Variants in NOTCH2NLA observed in about 807,000 individuals in gnomAD.
NOTCH2NLA encodes the protein notch 2 N-terminal like A.
chr1:146,159,393 GAGAAAGAAAGAAAGAAAGAAAGAAAGAA>G lies in NOTCH2NLA; in HGVS notation c.299-2606_299-2579del, dbSNP rs201617510. Among the ~76,000 whole-genome samples, 8 of 111,040 alleles carry G rather than the reference GAGAAAGAAAGAAAGAAAGAAAGAAAGAA, an allele frequency of 7.2e-5. No homozygotes were observed. In the East Asian group the frequency reaches 1.9e-3, roughly 26 times the overall value. The allele number at this position is 111,040 out of a possible 152,430, so 72.8% of individuals were successfully genotyped here. A position where few individuals can be genotyped will look rare whatever the true frequency, so the allele number is the denominator to read the frequency against. ...AAAGAGAGAGGAAGAGAGAAAGAGA[GAGAAAGAAAGAAAGAAAGAAAGAAAGAA>G]AGAAAGAAAGAAAGAAAGAAAGAAA... On this transcript the variant is annotated intron_variant, in intron 3 of 4. Transcript: ENST00000362074.
At chr1:146,188,487 C>CTCTTTAATG (rs1662891928) in intron 2 of NOTCH2NLA, among the ~76,000 whole-genome samples, 1 of 25,058 alleles carries the variant, frequency 4.0e-5, no homozygotes, top group African/African-American at 1.4e-4. Context: ...TATAATAATA[C>CTCTTTAATG]ACACCCAAAG....
chr1:146,186,843 T>C (rs1221955439), intron 2 of NOTCH2NLA, among the ~76,000 whole-genome samples: 2 of 134,936 alleles, frequency 1.5e-5, no homozygotes, highest in Non-Finnish European at 1.7e-5. Flanking sequence ...CCACCCTGAA[T>C]GCTATGTGAA....
At chr1:146,182,654 G>A (rs1256244252) in intron 2 of NOTCH2NLA, among the ~76,000 whole-genome samples, 2 of 121,364 alleles carry the variant, frequency 1.6e-5, no homozygotes, top group East Asian at 2.0e-4. Flanking sequence ...AGACCATCCT[G>A]GCTAACACAG....
chr1:146,151,317 CAAAAAAAAAAA>C (rs1159670389), downstream of NOTCH2NLA, among the ~76,000 whole-genome samples: 6 of 15,902 alleles, frequency 3.8e-4, no homozygotes, highest in African/African-American at 4.2e-3. Context: ...TGCTCCGTCT[CAAAAAAAAAAA>C]AAAAAAAAAA....
intron 1 of NOTCH2NLA, among the ~76,000 whole-genome samples, chr1:146,199,108 GT>G (rs1156830777): frequency 1.4e-5 from 1 of 70,830 alleles, no homozygotes; most frequent in African/African-American, 5.6e-5. Flanking sequence ...GTACAGCTTA[GT>G]TTTTTTAAGT....
chr1:146,228,358 C>T (rs1664308984), intron 1 of NOTCH2NLA: 1 of 981,986 alleles, frequency 1.0e-6, no homozygotes, highest in Non-Finnish European at 1.2e-6. Flanking sequence ...AAACGCGGAA[C>T]CTGAAGGGCA....
intron 1 of NOTCH2NLA, among the ~76,000 whole-genome samples, chr1:146,194,955 C>G (rs1357813507): frequency 1.8e-5 from 2 of 112,018 alleles, no homozygotes; most frequent in African/African-American, 3.8e-5. Flanking sequence ...TCATTACTAT[C>G]TAAATTCTAC....
chr1:146,185,993 T>C (rs371984354), intron 2 of NOTCH2NLA, among the ~76,000 whole-genome samples: 4 of 135,792 alleles, frequency 2.9e-5, no homozygotes, highest in East Asian at 2.0e-4. Context: ...GTACACATTA[T>C]TTTTGCATAA....
In NOTCH2NLA at chr1:146,159,277, G is replaced by A. The variant is rs1327052942; in HGVS notation, c.299-2462C>T. The stretch of plus-strand genomic sequence containing the variant: ...GGAGGCTGAGGCACAAGAATCACTC[G>A]AACCCAAGAGGTGGAGGTTGCAGTG... On this transcript the variant is annotated intron_variant, in intron 3 of 4. Coordinates refer to ENST00000362074, the Ensembl canonical transcript of NOTCH2NLA. Among the ~76,000 whole-genome samples the A allele has an allele frequency of 4.0e-5, 6 of 150,742 alleles. No homozygotes were observed. In the East Asian group the frequency reaches 1.0e-3, roughly 25 times the overall value.
intron 2 of NOTCH2NLA, among the ~76,000 whole-genome samples, chr1:146,174,596 G>T (rs1302515967): frequency 7.1e-6 from 1 of 140,936 alleles, no homozygotes; most frequent in African/African-American, 2.5e-5. Context: ...GTCTCATGTG[G>T]GTTGCGTCGG....
At chr1:146,172,724 A>G (rs1306296436) in intron 2 of NOTCH2NLA, among the ~76,000 whole-genome samples, 1 of 151,792 alleles carries the variant, frequency 6.6e-6, no homozygotes, top group African/African-American at 2.4e-5. Flanking sequence ...CATGCACTAC[A>G]TTGTCTCCGC....
At chr1:146,172,534 A>G (rs1662040050) in intron 2 of NOTCH2NLA, among the ~76,000 whole-genome samples, 1 of 151,860 alleles carries the variant, frequency 6.6e-6, no homozygotes, top group South Asian at 2.1e-4. Context: ...TGTCCCCTAT[A>G]TTGAAATCTT....
intron 1 of NOTCH2NLA, chr1:146,228,420 C>T (rs1191185725): frequency 2.3e-6 from 2 of 875,622 alleles, no homozygotes; most frequent in Non-Finnish European, 2.7e-6. Context: ...GTTTCTGAGA[C>T]TTGCTGCCGG....
In NOTCH2NLA at chr1:146,228,733, G is replaced by T. The variant is rs1553820451; in HGVS notation, c.-69C>A. 2 of 1,567,522 alleles carry T rather than the reference G, an allele frequency of 1.3e-6. No homozygotes were observed. The highest frequency in any genetic ancestry group is 1.7e-6 in the Non-Finnish European group (2 of 1,165,930). ...CCATGCGCGGGGGTCGCGCAGCACA[G>T]CCAGAGCGCCAGCAGCGCCCACAGC... is the stretch of plus-strand genomic sequence containing the variant. On this transcript the variant is annotated 5_prime_UTR_variant, in exon 1 of 5. The change creates a new upstream start codon in the 5' untranslated region. Coordinates refer to ENST00000362074, the Ensembl canonical transcript of NOTCH2NLA.
At position 146,187,729 on chromosome 1, in the gene NOTCH2NLA, G is replaced by A. The variant is rs587749953; in HGVS notation, c.38+1571C>T. The stretch of plus-strand genomic sequence containing the variant: ...TAACAGAATAAAGCAAGCAACTAAC[G>A]CACCAAATGCCACAAAAAGACTAAA... On this transcript the variant is annotated intron_variant, in intron 2 of 4. Transcript: ENST00000362074. Among the ~76,000 whole-genome samples the A allele has an allele frequency of 1.4e-4, 19 of 135,372 alleles. 3 individuals are homozygous for A. Among genetic ancestry groups the A allele is most frequent in the Non-Finnish European group, 2.6e-4 (15 of 58,676 alleles). The allele number at this position is 135,372 out of a possible 152,430, so 88.8% of individuals were successfully genotyped here.
In NOTCH2NLA at chr1:146,211,728, G is replaced by GA. The variant is rs1382597468; in HGVS notation, c.-45+16980dup. 8.2e-5 allele frequency among the ~76,000 whole-genome samples: 12 copies of GA among 146,134 alleles called. 1 individual carries two copies. The highest frequency in any genetic ancestry group is 1.5e-4 in the Non-Finnish European group (10 of 65,204). On this transcript the variant is annotated intron_variant, in intron 1 of 4. Coordinates refer to ENST00000362074, the Ensembl canonical transcript of NOTCH2NLA. ...AAAAATGGCTGAGGAAAAATACTAA[G>GA]AAATAGACATCAGAAAATTAAAAAC...
intron 3 of NOTCH2NLA, among the ~76,000 whole-genome samples, chr1:146,159,464 A>G (rs1553803769): frequency 6.6e-6 from 1 of 151,444 alleles, no homozygotes; most frequent in Non-Finnish European, 1.5e-5. Flanking sequence ...AAAGAAAGAA[A>G]GGAAGGGAGA....
At chr1:146,180,467 T>C (rs587607730) in intron 2 of NOTCH2NLA, among the ~76,000 whole-genome samples, 2 of 141,576 alleles carry the variant, frequency 1.4e-5, no homozygotes, top group South Asian at 2.2e-4. Flanking sequence ...TACTTTTTCA[T>C]AGGAGAAGGC....
chr1:146,159,445 AAG>A (rs67159131), intron 3 of NOTCH2NLA, among the ~76,000 whole-genome samples: 378 of 139,694 alleles, frequency 2.7e-3, no homozygotes, highest in Middle Eastern at 0.019. Flanking sequence ...GAAAGAAAGA[AAG>A]AGAAAGAAAG....
Sources: allele counts gnomAD v4.1 joint callset (sites outside exome capture counted in the v4.1 genomes callset), GRCh38; gene constraint gnomAD v4.1.1; transcripts MANE v1.5; gene names NCBI Gene and HGNC (gene_info 2026-07-23, HGNC 2026-07-21).